The following EPHA6 variants were observed in gnomAD, a reference collection of about 807,000 sequenced individuals.
EPHA6 encodes ephrin type-A receptor 6.
EPHA6 carries 50 observed loss-of-function variants against 112.0 expected under a neutral mutation model. That is an observed-to-expected ratio of 0.45 (90% CI 0.36 to 0.56). The LOEUF (loss-of-function observed/expected upper bound fraction) is 0.56. EPHA6 is among the 20% of genes least tolerant of loss of function. The pLI is 0.00. For synonymous variants in EPHA6, 529 were observed against 490.7 expected, an observed-to-expected ratio of 1.08 and a Z score of -1.03; for missense variants, 1,280 against 1,417.4, an observed-to-expected ratio of 0.90 and a Z score of 1.56.
chr3:97,360,990 A>G (rs368572604), intron 5 of EPHA6, among the ~76,000 whole-genome samples: 1 of 152,146 alleles, frequency 6.6e-6, no homozygotes, highest in Non-Finnish European at 1.5e-5. Context: ...GCTCAATTCC[A>G]TCAATTGGAT....
At chr3:96,908,167 T>C (rs1403903732) in intron 2 of EPHA6, among the ~76,000 whole-genome samples, 4 of 151,988 alleles carry the variant, frequency 2.6e-5, no homozygotes, top group Admixed American at 6.6e-5. Flanking sequence ...TGTAAAATGG[T>C]ATACCTGCAC....
At chr3:97,481,253 T>TA (rs2091534678) in intron 9 of EPHA6, 1 of 1,450,952 alleles carries the variant, frequency 6.9e-7, no homozygotes, top group African/African-American at 1.4e-5. Flanking sequence ...ATCACGTACA[T>TA]AACCAGGAAT....
At chr3:97,486,153 A>T (rs2091693770) in intron 10 of EPHA6, among the ~76,000 whole-genome samples, 1 of 152,192 alleles carries the variant, frequency 6.6e-6, no homozygotes, top group African/African-American at 2.4e-5. Flanking sequence ...AACTCTAATA[A>T]GTCATAATGG....
intron 14 of EPHA6, among the ~76,000 whole-genome samples, chr3:97,695,948 C>T (rs1462162889): frequency 6.6e-6 from 1 of 152,206 alleles, no homozygotes; most frequent in Non-Finnish European, 1.5e-5. Flanking sequence ...AGGATATAAA[C>T]TGATCACTTT....
intron 3 of EPHA6, 104 bp from the exon 4 acceptor site, chr3:97,226,160 A>G: frequency 1.1e-6 from 1 of 886,222 alleles, no homozygotes; most frequent in Non-Finnish European, 1.7e-6. Context: ...GTAACACTGT[A>G]CTCTGAGATC....
intron 7 of EPHA6, among the ~76,000 whole-genome samples, chr3:97,450,252 G>T (rs1332259434): frequency 6.6e-6 from 1 of 151,934 alleles, no homozygotes; most frequent in Non-Finnish European, 1.5e-5. Context: ...CTGCCCGCTT[G>T]TCAAACCTTA....
intron 14 of EPHA6, among the ~76,000 whole-genome samples, chr3:97,683,878 C>G (rs1353308284): frequency 2.0e-5 from 3 of 152,102 alleles, no homozygotes; most frequent in Non-Finnish European, 4.4e-5. Flanking sequence ...CAGAAGCACC[C>G]CAGCTGACTT....
intron 5 of EPHA6, among the ~76,000 whole-genome samples, chr3:97,274,855 C>G (rs1012985323): frequency 6.6e-6 from 1 of 151,970 alleles, no homozygotes; most frequent in Non-Finnish European, 1.5e-5. Flanking sequence ...TGTGGGAGGC[C>G]GGATTGAAGT....
intron 11 of EPHA6, among the ~76,000 whole-genome samples, chr3:97,565,740 C>T (rs919309527): frequency 1.5e-4 from 23 of 151,916 alleles, no homozygotes; most frequent in African/African-American, 3.6e-4. Context: ...AGATTTAGGC[C>T]GGGCGTGGTG....
At chr3:97,463,329 A>T (rs770664818) in intron 7 of EPHA6, among the ~76,000 whole-genome samples, 3 of 152,064 alleles carry the variant, frequency 2.0e-5, no homozygotes, top group Non-Finnish European at 4.4e-5. Flanking sequence ...TTCTCAGAGG[A>T]CTAAACAGAG....
At chr3:97,611,975 C>T (rs921585345) in intron 13 of EPHA6, among the ~76,000 whole-genome samples, 2 of 151,856 alleles carry the variant, frequency 1.3e-5, no homozygotes, top group African/African-American at 4.8e-5. Flanking sequence ...CAGATTCAAT[C>T]CTAGAAGCTG....
chr3:97,646,713 G>A (rs1446570432), intron 14 of EPHA6, among the ~76,000 whole-genome samples: 2 of 152,016 alleles, frequency 1.3e-5, no homozygotes, highest in African/African-American at 4.8e-5. Flanking sequence ...CTACTGTGTA[G>A]GTCCACCATG....
intron 11 of EPHA6, among the ~76,000 whole-genome samples, chr3:97,554,228 T>A (rs554385668): frequency 8.5e-5 from 13 of 152,286 alleles, no homozygotes; most frequent in African/African-American, 3.1e-4. Flanking sequence ...AACCTGCTGT[T>A]AAAATTATTA....
intron 14 of EPHA6, among the ~76,000 whole-genome samples, chr3:97,644,651 T>C (rs1189860973): frequency 1.3e-5 from 2 of 151,224 alleles, no homozygotes; most frequent in Middle Eastern, 3.4e-3. Flanking sequence ...CAGAGAATAC[T>C]ACAAACACCT....
intron 1 of EPHA6, among the ~76,000 whole-genome samples, chr3:96,835,758 A>G (rs887303273): frequency 7.9e-5 from 12 of 152,188 alleles, no homozygotes; most frequent in African/African-American, 2.4e-4. Flanking sequence ...AAGACTTGCA[A>G]TGAATTTTGG....
chr3:97,374,263 T>A (rs28626852), intron 5 of EPHA6, among the ~76,000 whole-genome samples: 6,720 of 152,106 alleles, frequency 0.044, 449 homozygotes, highest in African/African-American at 0.14. Flanking sequence ...GACTCAAAAC[T>A]TTTACTCTCC....
In EPHA6 at chr3:96,843,634, T is replaced by C. The variant is rs186540436; in HGVS notation, c.386-23191T>C. Among the ~76,000 whole-genome samples, 91 of 152,088 alleles carry C rather than the reference T, an allele frequency of 6.0e-4. 1 individual carries two copies. Among genetic ancestry groups the C allele is most frequent in the Middle Eastern group, 3.4e-3 (1 of 294 alleles). On this transcript the variant is annotated intron_variant, in intron 1 of 17. Coordinates refer to ENST00000389672, the MANE Select transcript of EPHA6 (RefSeq NM_001080448.3). ...CTAGCAAGAGAAATTTGGCTCCAGATATACAGAATAAAAGGATCGTGTTGG... is the reference window on the plus strand; with the variant it reads ...CTAGCAAGAGAAATTTGGCTCCAGACATACAGAATAAAAGGATCGTGTTGG...
chr3:97,305,924 G>A (rs1291865710), intron 5 of EPHA6, among the ~76,000 whole-genome samples: 1 of 151,472 alleles, frequency 6.6e-6, no homozygotes, highest in Non-Finnish European at 1.5e-5. Context: ...ATTGCCATAA[G>A]AAATAAAGGG....
intron 2 of EPHA6, among the ~76,000 whole-genome samples, chr3:96,958,610 C>G (rs2041848667): frequency 6.6e-6 from 1 of 152,172 alleles, no homozygotes; most frequent in African/African-American, 2.4e-5. Flanking sequence ...CACAGAACCT[C>G]TGTACCCATT....
Sources: allele counts gnomAD v4.1 joint callset (sites outside exome capture counted in the v4.1 genomes callset), GRCh38; gene constraint gnomAD v4.1.1; transcripts MANE v1.5; gene names NCBI Gene and HGNC (gene_info 2026-07-23, HGNC 2026-07-21).